The following PCID2 variants were observed in gnomAD, a reference collection of about 807,000 sequenced individuals.
The protein encoded by PCID2 is PCI domain-containing protein 2.
A neutral mutation model predicts 61.3 loss-of-function variants in PCID2; 41 were observed. The ratio of observed to expected loss-of-function variants is 0.67; its 90% CI spans 0.52 to 0.87. The LOEUF is 0.87. PCID2 is among the 40% of genes least tolerant of loss of function. The probability of loss-of-function intolerance (pLI) is 0.00; values close to 1 mark genes in which losing one functional copy is unlikely to be tolerated. For synonymous variants in PCID2, 187 were observed against 177.8 expected (o/e 1.05, Z -0.41); for missense variants, 392 against 493.4 (o/e 0.79, Z 1.95).
At chr13:113,207,880 T>C (rs2040018230) in intron 1 of PCID2, 2 of 763,168 alleles carry the variant, frequency 2.6e-6, no homozygotes, top group South Asian at 3.0e-5. Flanking sequence ...TAATGTTTCC[T>C]TCAAATATTT....
chr13:113,187,123 C>A (rs1301559703), intron 7 of PCID2: 1 of 152,080 alleles, frequency 6.6e-6, no homozygotes, highest in African/African-American at 2.4e-5. Flanking sequence ...AAAACGGAGA[C>A]AAATAATAAT....
At chr13:113,172,046 A>G in the PCID2 span, 4 of 1,613,114 alleles carry the variant, frequency 2.5e-6, no homozygotes, top group Non-Finnish European at 1.7e-6. Flanking sequence ...GCAGGCTCAC[A>G]TGGTCCTTGT....
chr13:113,185,771 A>C, intron 7 of PCID2: 1 of 436,596 alleles, frequency 2.3e-6, no homozygotes, highest in Non-Finnish European at 4.1e-6. Context: ...AATAAAAGAG[A>C]AAACAAACCA....
chr13:113,196,145 C>G (rs370404543), intron 5 of PCID2, 36 bp downstream of exon 5: 2 of 1,533,438 alleles, frequency 1.3e-6, no homozygotes, highest in Non-Finnish European at 1.8e-6. Flanking sequence ...AAAAAAATTG[C>G]CATTTGCTAA....
the PCID2 span, chr13:113,165,143 C>A: frequency 1.2e-6 from 2 of 1,601,164 alleles, no homozygotes; most frequent in Non-Finnish European, 1.7e-6. Context: ...TCTCCGCGTG[C>A]TTCAATTTAT....
the PCID2 span, chr13:113,170,292 C>A: frequency 8.2e-6 from 5 of 612,734 alleles, no homozygotes; most frequent in Admixed American, 1.3e-4. Context: ...CGGCTGTCTG[C>A]CTTTGGCGGG....
At chr13:113,165,611 A>G in the PCID2 span, among the ~76,000 whole-genome samples, 1 of 152,238 alleles carries the variant, frequency 6.6e-6, no homozygotes, top group African/African-American at 2.4e-5. Context: ...GCTCACTGCA[A>G]CCTCTGCCTC....
the PCID2 span, among the ~76,000 whole-genome samples, chr13:113,166,912 G>A: frequency 6.6e-6 from 1 of 152,164 alleles, no homozygotes; most frequent in Non-Finnish European, 1.5e-5. Flanking sequence ...ATACCAGCAA[G>A]GCTAAGAGCC....
intron 1 of PCID2, among the ~76,000 whole-genome samples, chr13:113,206,642 C>T (rs1211879144): frequency 6.6e-6 from 1 of 152,230 alleles, no homozygotes; most frequent in Non-Finnish European, 1.5e-5. Flanking sequence ...AACCGGTTGC[C>T]ATTCTGTATC....
chr13:113,208,278 C>A, intron 1 of PCID2: 4 of 1,437,520 alleles, frequency 2.8e-6, no homozygotes, highest in Non-Finnish European at 3.6e-6. Flanking sequence ...GCAGGCCCTT[C>A]GGACCGCCTG....
chr13:113,204,758 G>A (rs1034758845), intron 1 of PCID2, among the ~76,000 whole-genome samples: 15 of 152,196 alleles, frequency 9.9e-5, no homozygotes, highest in African/African-American at 3.6e-4. Context: ...AGGAAAAGCA[G>A]GGATGGCAAC....
At position 113,200,159 on chromosome 13, in the gene PCID2, C is replaced by T. The variant is rs138639603; in HGVS notation, c.126+268G>A. Among the ~76,000 whole-genome samples, 256 of 152,256 alleles carry T rather than the reference C, an allele frequency of 1.7e-3. 8 individuals are homozygous for T. In the East Asian group the frequency reaches 0.034, roughly 20 times the overall value. On this transcript the variant is annotated intron_variant, in intron 2 of 13. Coordinates refer to ENST00000337344, the MANE Select transcript of PCID2 (RefSeq NM_001127202.4). ...GGCCTAGACAGAATCTAAGCTCCAC[C>T]GCCTCTCCACCATCTAACTTCTCTA...
rs1422228987 is a variant in PCID2, at chr13:113,181,008, T to C, written c.786+122A>G. On this transcript the variant is annotated intron_variant, in intron 10 of 13. Coordinates refer to ENST00000337344, the MANE Select transcript of PCID2 (RefSeq NM_001127202.4). Reference sequence around the variant, plus strand: ...CATGCGCCTTCTTTATTTTGGGGTGTGCTCATACACAGCTCAGGCTGTGAT... The same window carrying C: ...CATGCGCCTTCTTTATTTTGGGGTGCGCTCATACACAGCTCAGGCTGTGAT... 12 of 648,664 alleles carry C rather than the reference T, an allele frequency of 1.8e-5. No individual in the cohort carries two copies. In the Admixed American group the frequency reaches 2.9e-4, roughly 15 times the overall value. The allele number at this position is 648,664 out of a possible 1,614,324, so 40.2% of individuals were successfully genotyped here.
In PCID2 at chr13:113,196,169, G is replaced by C; in HGVS notation, c.308+12C>G. Reference sequence around the variant, plus strand: ...GCCATTTGCTAATTCAGCTGTTTCTGTTCACACTTACCAGTTTTCTTCTTT... The same window carrying C: ...GCCATTTGCTAATTCAGCTGTTTCTCTTCACACTTACCAGTTTTCTTCTTT... On this transcript the variant is annotated intron_variant, in intron 5 of 13. Coordinates refer to ENST00000337344, the MANE Select transcript of PCID2 (RefSeq NM_001127202.4). 1.2e-6 allele frequency: 2 copies of C among 1,601,494 alleles called. No individual in the cohort carries two copies. The highest frequency in any genetic ancestry group is 2.2e-5 in the South Asian group (2 of 90,164).
rs771954931 is a variant in PCID2, at chr13:113,178,306, G to A, written c.1111-19C>T. The stretch of plus-strand genomic sequence containing the variant: ...CGTGTCCCTGCGGGGCAGAAAGGGA[G>A]GAATGCGTTTACATTTTTGGATCTG... On this transcript the variant is annotated intron_variant, in intron 13 of 13. Coordinates refer to ENST00000337344, the MANE Select transcript of PCID2 (RefSeq NM_001127202.4). The A allele has an allele frequency of 4.4e-6, 7 of 1,589,848 alleles. No homozygotes were observed. The African/African-American group carries it at 6.7e-5, about 15-fold the overall frequency.
intron 5 of PCID2, among the ~76,000 whole-genome samples, chr13:113,195,690 C>T (rs973724399): frequency 1.2e-4 from 18 of 151,646 alleles, no homozygotes; most frequent in Admixed American, 9.2e-4. Context: ...GATAAAAGGG[C>T]GGGTTTGTTT....
At chr13:113,184,220 T>A (rs1004228307) in intron 9 of PCID2, 126 bp downstream of exon 9, 1 of 938,470 alleles carries the variant, frequency 1.1e-6, no homozygotes, top group Non-Finnish European at 1.6e-6. Context: ...CAAATATGTA[T>A]ATATAACTTG....
chr13:113,165,300 C>A, the PCID2 span: 1 of 689,524 alleles, frequency 1.5e-6, no homozygotes, highest in Non-Finnish European at 2.6e-6. Context: ...GAGTTCATAA[C>A]TAATACAAAA....
chr13:113,189,926 G>C (rs1376299991), intron 7 of PCID2, among the ~76,000 whole-genome samples: 2 of 152,032 alleles, frequency 1.3e-5, no homozygotes, highest in African/African-American at 4.8e-5. Flanking sequence ...AGGAGGCTGA[G>C]GCAGGAGAAT....
Sources: gnomAD v4.1 joint callset for allele counts (sites outside exome capture counted in the v4.1 genomes callset) on GRCh38, gnomAD v4.1.1 for gene constraint, MANE v1.5 for transcripts, NCBI Gene and HGNC (gene_info 2026-07-23, HGNC 2026-07-21) for gene names.